Variants in DYM observed in about 807,000 individuals in gnomAD.
DYM encodes the protein dymeclin.
Under a neutral mutation model 93.1 loss-of-function variants are expected in DYM, and 78 were observed. The observed-to-expected ratio is 0.84, with a 90% confidence interval of 0.70 to 1.01. The LOEUF (loss-of-function observed/expected upper bound fraction) is 1.01. Ranked by LOEUF, DYM falls within the 50% of genes least tolerant of loss-of-function variation. The probability of loss-of-function intolerance (pLI) is 0.00; values close to 1 mark genes in which losing one functional copy is unlikely to be tolerated. For synonymous variants in DYM, 321 were observed against 319.7 expected, an observed-to-expected ratio of 1.00 and a Z score of -0.04; for missense variants, 789 against 845.0, an observed-to-expected ratio of 0.93 and a Z score of 0.82.
chr18:49,251,249 G>A (rs1945326127), intron 13 of DYM, among the ~76,000 whole-genome samples: 1 of 152,178 alleles, frequency 6.6e-6, no homozygotes, highest in Non-Finnish European at 1.5e-5. Flanking sequence ...GGGTGAGTAG[G>A]GAGGCAAAAA....
chr18:49,441,272 T>C (rs1446419912), intron 1 of DYM, among the ~76,000 whole-genome samples: 1 of 36,238 alleles, frequency 2.8e-5, no homozygotes, highest in Non-Finnish European at 4.7e-5. Context: ...TTATATAATA[T>C]ATATTATATA....
At chr18:49,141,121 C>G (rs2084438410) in intron 15 of DYM, among the ~76,000 whole-genome samples, 1 of 152,166 alleles carries the variant, frequency 6.6e-6, no homozygotes, top group Non-Finnish European at 1.5e-5. Flanking sequence ...CTCTTTCCTT[C>G]CCATTGTTCA....
chr18:49,268,373 C>A (rs1317399273), intron 11 of DYM, among the ~76,000 whole-genome samples: 1 of 152,182 alleles, frequency 6.6e-6, no homozygotes, highest in African/African-American at 2.4e-5. Context: ...GAAATGTCAT[C>A]TAAAATATCC....
chr18:49,210,025 TTGAA>T (rs1415574221), intron 13 of DYM, among the ~76,000 whole-genome samples: 25 of 152,238 alleles, frequency 1.6e-4, no homozygotes, highest in African/African-American at 5.5e-4. Flanking sequence ...CACAGACTAT[TTGAA>T]TGGCCCAAAT....
intron 15 of DYM, among the ~76,000 whole-genome samples, chr18:49,140,298 T>C (rs1600080603): frequency 6.6e-6 from 1 of 152,134 alleles, no homozygotes; most frequent in Admixed American, 6.5e-5. Flanking sequence ...TAGTTTTTGA[T>C]AGGAAAATGA....
chr18:49,229,285 G>A (rs970236832), intron 13 of DYM, among the ~76,000 whole-genome samples: 1 of 151,954 alleles, frequency 6.6e-6, no homozygotes, highest in Non-Finnish European at 1.5e-5. Flanking sequence ...GGGGAAAAAT[G>A]ATAAATGGGA....
At chr18:49,230,517 A>T (rs1260577255) in intron 13 of DYM, among the ~76,000 whole-genome samples, 1 of 152,208 alleles carries the variant, frequency 6.6e-6, no homozygotes, top group Non-Finnish European at 1.5e-5. Context: ...GAGACTTGTT[A>T]ATATCCTACC....
At chr18:49,380,829 C>A (rs2067978300) in intron 3 of DYM, among the ~76,000 whole-genome samples, 1 of 152,132 alleles carries the variant, frequency 6.6e-6, no homozygotes. Flanking sequence ...TTTCCTTGAC[C>A]AATGGTTTTC....
rs570627044 is a variant in DYM, at chr18:49,046,559, A to G, written c.2026-2355T>C. ...ACACACAGACACAACACACACAGAC[A>G]CACACAGTAACAAGAATTTTAAAAT... On this transcript the variant is annotated intron_variant, in intron 17 of 17. Coordinates refer to ENST00000675505, the MANE Select transcript of DYM (RefSeq NM_001353214.3). Among the ~76,000 whole-genome samples the G allele has an allele frequency of 1.3e-4, 20 of 152,210 alleles. No individual in the cohort carries two copies. In the South Asian group the frequency reaches 3.9e-3, roughly 30 times the overall value.
chr18:49,450,711 A>T (rs1405501285), intron 1 of DYM, among the ~76,000 whole-genome samples: 1 of 152,216 alleles, frequency 6.6e-6, no homozygotes, highest in Non-Finnish European at 1.5e-5. Context: ...GGTGAATAAT[A>T]CTAATATATG....
chr18:49,048,200 G>C (rs1490111298), intron 17 of DYM: 1 of 152,232 alleles, frequency 6.6e-6, no homozygotes, highest in Middle Eastern at 3.2e-3. Context: ...AGAACCACAT[G>C]AGGGCAATAA....
chr18:49,166,201 T>C (rs570930457), intron 14 of DYM, among the ~76,000 whole-genome samples: 1 of 152,218 alleles, frequency 6.6e-6, no homozygotes, highest in African/African-American at 2.4e-5. Context: ...TATGCATTAA[T>C]GCATGTAAAC....
chr18:49,372,279 A>T (rs2067114926), intron 5 of DYM, among the ~76,000 whole-genome samples: 1 of 152,246 alleles, frequency 6.6e-6, no homozygotes, highest in African/African-American at 2.4e-5. Context: ...CTGTAAAAAG[A>T]AATTGGCAGA....
At chr18:49,221,621 C>T (rs2093361258) in intron 13 of DYM, among the ~76,000 whole-genome samples, 1 of 152,076 alleles carries the variant, frequency 6.6e-6, no homozygotes, top group Admixed American at 6.6e-5. Context: ...ACGGATGAAA[C>T]TGGAAATCAT....
At chr18:49,373,175 A>AG (rs529346816) in intron 5 of DYM, among the ~76,000 whole-genome samples, 13 of 152,196 alleles carry the variant, frequency 8.5e-5, no homozygotes, top group Non-Finnish European at 1.8e-4. Context: ...GTTACAGGAA[A>AG]GGGGTCCCAA....
intron 7 of DYM, among the ~76,000 whole-genome samples, chr18:49,333,304 A>G (rs977855171): frequency 1.3e-5 from 2 of 152,348 alleles, no homozygotes; most frequent in Non-Finnish European, 2.9e-5. Context: ...AGAAGTAGGA[A>G]TAGTCAGCGA....
intron 2 of DYM, among the ~76,000 whole-genome samples, chr18:49,403,201 A>C (rs2071055964): frequency 1.3e-5 from 2 of 152,200 alleles, no homozygotes; most frequent in South Asian, 4.1e-4. Context: ...GCAGGAGGGG[A>C]GTATAAAACA....
chr18:49,341,154 GT>G (rs1428116701), intron 6 of DYM, among the ~76,000 whole-genome samples: 1 of 152,120 alleles, frequency 6.6e-6, no homozygotes, highest in East Asian at 1.9e-4. Context: ...AAAATAGAAA[GT>G]AAAAAATTCC....
In DYM at chr18:49,272,303, C is replaced by G. The variant is rs752808931; in HGVS notation, c.1126G>C (p.Val376Leu). The G allele has an allele frequency of 7.2e-6, 11 of 1,522,686 alleles. No individual in the cohort carries two copies. The East Asian group carries it at 2.3e-4, about 31-fold the overall frequency. 94.3% of individuals were successfully genotyped at this position (1,522,686 alleles called of 1,614,324 possible). A position where few individuals can be genotyped will look rare whatever the true frequency, so the allele number is the denominator to read the frequency against. Residue 376 changes from valine (V) to leucine (L), a missense_variant and splice_region_variant, in exon 11 of 18, where the codon GTT becomes CTT. By Grantham distance (32) the Val-to-Leu change is conservative (BLOSUM62 1). This residue lies in a region of DYM where 450 missense variants were observed against 436.2 expected (regional missense o/e 1.03). Coordinates refer to ENST00000675505, the MANE Select transcript of DYM (RefSeq NM_001353214.3). ...TACAGAATCTCAAGAATTGGTAAAA[C>G]CTAGAGAATAAAAATTATAATTGAC... ...MLARTDMENL[V>L]LPILEILYHV...
Sources: allele counts gnomAD v4.1 joint callset (sites outside exome capture counted in the v4.1 genomes callset), GRCh38; gene constraint gnomAD v4.1.1; regional missense constraint gnomAD v4.1.1; transcripts MANE v1.5; gene names NCBI Gene and HGNC (gene_info 2026-07-23, HGNC 2026-07-21).